PHEX: variants seen among roughly 807,000 people sequenced by gnomAD.
PHEX encodes the protein phosphate-regulating neutral endopeptidase PHEX.
In PHEX, 16 loss-of-function variants were observed where a neutral mutation model predicts 68.0. The ratio of observed to expected loss-of-function variants is 0.24; its 90% confidence interval spans 0.16 to 0.36. The LOEUF (loss-of-function observed/expected upper bound fraction) is 0.36, where lower values mean the gene tolerates loss of function less well. Among genes scored for constraint, PHEX ranks in the 10% least tolerant of loss-of-function variants. The probability of loss-of-function intolerance (pLI) is 1.00; values close to 1 mark genes in which losing one functional copy is unlikely to be tolerated. For missense variants in PHEX, 480 were observed against 575.5 expected (o/e 0.83, Z 1.70); for synonymous variants, 208 against 205.1 (o/e 1.01, Z -0.12).
chrX:22,114,978 A>AT (rs913701160), intron 11 of PHEX, among the ~76,000 whole-genome samples: 12 of 110,131 alleles, frequency 1.1e-4, no homozygotes, highest in African/African-American at 3.6e-4. Context: ...AAAAGGGTGT[A>AT]TTTTTTTTTC....
At chrX:22,216,189 C>A (rs1935080850) in intron 16 of PHEX, among the ~76,000 whole-genome samples, 1 of 111,758 alleles carries the variant, frequency 8.9e-6, no homozygotes, top group South Asian at 3.7e-4. Context: ...GACCTCTAAG[C>A]CATTTCCAAC....
At chrX:22,217,171 C>T (rs1273295213) in intron 16 of PHEX, among the ~76,000 whole-genome samples, 1 of 111,684 alleles carries the variant, frequency 9.0e-6, no homozygotes, top group African/African-American at 3.3e-5. Context: ...AGCTGAGAGA[C>T]CTGGAAAAAC....
At chrX:22,238,798 G>T (rs1238378559) in intron 20 of PHEX, among the ~76,000 whole-genome samples, 2 of 111,851 alleles carry the variant, frequency 1.8e-5, no homozygotes, top group Non-Finnish European at 3.8e-5. Flanking sequence ...GAGCATCTAG[G>T]GGAAGGGGCA....
At chrX:22,113,280 T>C (rs1465596297) in intron 10 of PHEX, among the ~76,000 whole-genome samples, 1 of 111,711 alleles carries the variant, frequency 9.0e-6, no homozygotes, top group African/African-American at 3.3e-5. Context: ...ATTCATCGCT[T>C]ACCTCTGAGA....
chrX:22,136,720 C>A (rs1207160578), intron 12 of PHEX, among the ~76,000 whole-genome samples: 1 of 111,515 alleles, frequency 9.0e-6, no homozygotes, highest in African/African-American at 3.3e-5. Flanking sequence ...GTAGCAATGA[C>A]CTCGTCTCAA....
intron 12 of PHEX, among the ~76,000 whole-genome samples, chrX:22,154,004 A>G (rs916330603): frequency 8.9e-6 from 1 of 111,788 alleles, no homozygotes. Flanking sequence ...GCATTTTCCA[A>G]TAGTTTTTTA....
intron 13 of PHEX, among the ~76,000 whole-genome samples, chrX:22,177,114 C>T (rs1025486861): frequency 1.3e-4 from 14 of 111,254 alleles, no homozygotes; most frequent in African/African-American, 3.9e-4. Context: ...AACTTCTCCA[C>T]GGACATGAGA....
At chrX:22,103,878 C>A (rs1930543512) in intron 9 of PHEX, among the ~76,000 whole-genome samples, 1 of 112,213 alleles carries the variant, frequency 8.9e-6, no homozygotes, top group African/African-American at 3.2e-5. Context: ...AAGGAATCTC[C>A]ATACTGTTTT....
At chrX:22,104,939 C>G (rs1361391290) in intron 9 of PHEX, among the ~76,000 whole-genome samples, 4 of 112,273 alleles carry the variant, frequency 3.6e-5, no homozygotes, top group Non-Finnish European at 7.5e-5. Context: ...GTCAAGGACC[C>G]TGTAAGTATT....
chrX:22,216,757 T>C (rs1171485322), intron 16 of PHEX, among the ~76,000 whole-genome samples: 10 of 110,414 alleles, frequency 9.1e-5, no homozygotes, highest in Non-Finnish European at 1.3e-4. Context: ...CGACCCCAGG[T>C]AATCCACCCG....
chrX:22,142,561 C>A (rs1346689338), intron 12 of PHEX, among the ~76,000 whole-genome samples: 1 of 111,791 alleles, frequency 8.9e-6, no homozygotes, highest in African/African-American at 3.2e-5. Flanking sequence ...AATGGACATG[C>A]TCAAAAAAAG....
chrX:22,219,607 T>A (rs1326305017), intron 17 of PHEX, among the ~76,000 whole-genome samples: 1 of 100,720 alleles, frequency 9.9e-6, no homozygotes, highest in Non-Finnish European at 2.0e-5. Context: ...TGGCTTATAT[T>A]CTGATTATTA....
chrX:22,211,465 T>C (rs780796803), intron 15 of PHEX, among the ~76,000 whole-genome samples: 1 of 112,476 alleles, frequency 8.9e-6, no homozygotes, highest in South Asian at 3.7e-4. Context: ...AATGCAAACA[T>C]AAGAGCATTT....
At chrX:22,062,612 A>C (rs1490288320) in intron 3 of PHEX, among the ~76,000 whole-genome samples, 1 of 111,569 alleles carries the variant, frequency 9.0e-6, no homozygotes, top group Non-Finnish European at 1.9e-5. Context: ...GGACTACTGA[A>C]AAGTACAATT....
At chrX:22,089,593 A>G (rs1337255737) in intron 5 of PHEX, among the ~76,000 whole-genome samples, 2 of 105,681 alleles carry the variant, frequency 1.9e-5, no homozygotes, top group African/African-American at 6.9e-5. Flanking sequence ...GCTAATTTTT[A>G]TATTCTTAGT....
At chrX:22,247,365 C>A (rs1936420876) in intron 21 of PHEX, among the ~76,000 whole-genome samples, 1 of 111,880 alleles carries the variant, frequency 8.9e-6, no homozygotes, top group Non-Finnish European at 1.9e-5. Flanking sequence ...AGTTCAAAAT[C>A]AGGCAAAGCT....
chrX:22,160,495 G>A (rs1933084109), intron 12 of PHEX, among the ~76,000 whole-genome samples: 1 of 107,292 alleles, frequency 9.3e-6, no homozygotes, highest in South Asian at 4.2e-4. Context: ...GTTGCAGTGA[G>A]CTGAGATTGT....
intron 16 of PHEX, among the ~76,000 whole-genome samples, chrX:22,216,185 T>C (rs1395656102): frequency 8.9e-6 from 1 of 112,010 alleles, no homozygotes; most frequent in Non-Finnish European, 1.9e-5. Flanking sequence ...AGATGACCTC[T>C]AAGCCATTTC....
intron 13 of PHEX, among the ~76,000 whole-genome samples, chrX:22,176,877 G>A (rs909972512): frequency 9.0e-6 from 1 of 111,356 alleles, no homozygotes; most frequent in African/African-American, 3.3e-5. Flanking sequence ...CTTCCATTAT[G>A]TGAATATACC....
Sources: gnomAD v4.1 joint callset for allele counts (sites outside exome capture counted in the v4.1 genomes callset) on GRCh38, gnomAD v4.1.1 for gene constraint, MANE v1.5 for transcripts, NCBI Gene and HGNC (gene_info 2026-07-23, HGNC 2026-07-21) for gene names.